The following SDK2 variants were observed in gnomAD, a reference collection of about 807,000 sequenced individuals.
The protein encoded by SDK2 is protein sidekick-2.
A neutral mutation model predicts 253.9 loss-of-function variants in SDK2; 105 were observed. The ratio of observed to expected loss-of-function variants is 0.41; its 90% confidence interval spans 0.35 to 0.49. The LOEUF is 0.49. Ranked by LOEUF, SDK2 falls within the 20% of genes least tolerant of loss-of-function variation. SDK2 has a pLI of 0.06. For synonymous variants in SDK2, 1,249 were observed against 1,234.9 expected (o/e 1.01, Z -0.24); for missense variants, 2,608 against 3,003.0 (o/e 0.87, Z 3.07).
intron 1 of SDK2, among the ~76,000 whole-genome samples, chr17:73,640,114 G>A (rs1306766197): frequency 2.6e-5 from 4 of 152,180 alleles, no homozygotes; most frequent in Non-Finnish European, 5.9e-5. Context: ...ACAGAGGATC[G>A]CTGTAAAGAA....
intron 36 of SDK2, among the ~76,000 whole-genome samples, chr17:73,371,874 C>T (rs1248306541): frequency 6.6e-6 from 1 of 151,490 alleles, no homozygotes; most frequent in East Asian, 1.9e-4. Flanking sequence ...GCAGGAGAAT[C>T]ACTTGAACCC....
In SDK2 at chr17:73,525,049, G is replaced by A. The variant is rs189140153; in HGVS notation, c.65-17452C>T. Among the ~76,000 whole-genome samples the A allele has an allele frequency of 1.2e-3, 186 of 152,386 alleles. 1 individual carries two copies. In the Middle Eastern group the frequency reaches 0.024, roughly 20 times the overall value. On this transcript the variant is annotated intron_variant, in intron 1 of 44. Coordinates refer to ENST00000392650, the MANE Select transcript of SDK2 (RefSeq NM_001144952.2). Reference sequence around the variant, plus strand: ...TCCTAGGCCTGTGTGGCCCTGGGCAGCCAGGCTACTTCTTTGGGCCTCATT... The same window carrying A: ...TCCTAGGCCTGTGTGGCCCTGGGCAACCAGGCTACTTCTTTGGGCCTCATT...
intron 44 of SDK2, among the ~76,000 whole-genome samples, chr17:73,340,732 A>T (rs1479027694): frequency 1.4e-5 from 1 of 71,126 alleles, no homozygotes; most frequent in Non-Finnish European, 3.4e-5. Flanking sequence ...GAAAACCTTA[A>T]AGTTTTTTTT....
rs1022241899 is a variant in SDK2, at chr17:73,496,654, T to A, written c.224+10784A>T. Reference sequence around the variant, plus strand: ...ATATCCGAGAAGATTCTTCCTGGCGTTCCAGGTCCTACCTCTGCCATCTTG... The same window carrying A: ...ATATCCGAGAAGATTCTTCCTGGCGATCCAGGTCCTACCTCTGCCATCTTG... On this transcript the variant is annotated intron_variant, in intron 2 of 44. Coordinates refer to ENST00000392650, the MANE Select transcript of SDK2 (RefSeq NM_001144952.2). The surrounding 1 kb of genome is among the most constrained non-coding windows in gnomAD (Gnocchi z 4.7). 2.0e-5 allele frequency among the ~76,000 whole-genome samples: 3 copies of A among 152,080 alleles called. No individual in the cohort carries two copies. The highest frequency in any genetic ancestry group is 4.4e-5 in the Non-Finnish European group (3 of 68,014).
intron 4 of SDK2, among the ~76,000 whole-genome samples, chr17:73,453,584 C>T (rs1567781939): frequency 6.6e-6 from 1 of 152,048 alleles, no homozygotes; most frequent in Non-Finnish European, 1.5e-5. Context: ...GCCAGGTTGG[C>T]CAGGCTGGTC....
intron 1 of SDK2, among the ~76,000 whole-genome samples, chr17:73,594,126 C>T (rs2045721165): frequency 2.0e-5 from 3 of 152,222 alleles, no homozygotes; most frequent in Non-Finnish European, 4.4e-5. Context: ...CATGTCAGGC[C>T]TCCCAACGTC....
chr17:73,396,164 C>T (rs1043368257), intron 24 of SDK2, among the ~76,000 whole-genome samples: 11 of 152,194 alleles, frequency 7.2e-5, no homozygotes, highest in Admixed American at 4.6e-4. Flanking sequence ...CAAGCCACCA[C>T]GCCCAACCAG....
In SDK2 at chr17:73,431,613, A is replaced by T. The variant is rs200185560; in HGVS notation, c.1369T>A (p.Ser457Thr). 2 of 1,612,882 alleles carry T rather than the reference A, an allele frequency of 1.2e-6. No homozygotes were observed. Among genetic ancestry groups the T allele is most frequent in the Admixed American group, 3.3e-5 (2 of 59,936 alleles). Residue 457 changes from serine (S) to threonine (T), a missense_variant, in exon 11 of 45, where the codon TCG becomes ACG. Transcript: ENST00000392650. The surrounding 1 kb of genome is among the most constrained non-coding windows in gnomAD (Gnocchi z 5.6). ...VQLPRFTPLE[S>T]GSLLISPTHI... is the part of the protein sequence containing the mutation. Reference sequence around the variant, plus strand: ...GTGGGGCTGATGAGGAGGCTGCCCGACTCCAGGGGTGTGAAGCGAGGCAGC... The same window carrying T: ...GTGGGGCTGATGAGGAGGCTGCCCGTCTCCAGGGGTGTGAAGCGAGGCAGC...
chr17:73,528,634 T>C (rs1180037428), intron 1 of SDK2, among the ~76,000 whole-genome samples: 1 of 152,186 alleles, frequency 6.6e-6, no homozygotes, highest in Non-Finnish European at 1.5e-5. Context: ...TGTTCTCCAC[T>C]GTGATCCCCT....
chr17:73,404,317 C>A (rs1277235739), intron 18 of SDK2, among the ~76,000 whole-genome samples: 1 of 152,160 alleles, frequency 6.6e-6, no homozygotes, highest in African/African-American at 2.4e-5. Flanking sequence ...GGATAGGAGG[C>A]CTCCCTGCCT....
chr17:73,430,713 A>G (rs2063320260), intron 11 of SDK2, 100 bp from the exon 12 acceptor site: 1 of 724,802 alleles, frequency 1.4e-6, no homozygotes, highest in Non-Finnish European at 2.1e-6. Flanking sequence ...ATGGTTAAAA[A>G]GAACAATGAG....
intron 1 of SDK2, among the ~76,000 whole-genome samples, chr17:73,560,944 G>A (rs1342993668): frequency 1.3e-5 from 2 of 152,276 alleles, no homozygotes; most frequent in South Asian, 2.1e-4. Flanking sequence ...GAAGCGGGGC[G>A]TGTGGGGTGT....
At chr17:73,373,179 G>C (rs967719991) in intron 36 of SDK2, among the ~76,000 whole-genome samples, 1 of 152,154 alleles carries the variant, frequency 6.6e-6, no homozygotes, top group Non-Finnish European at 1.5e-5. Flanking sequence ...AGGTTCATCC[G>C]TGTTGTTGCA....
chr17:73,536,739 C>A (rs1853536646), intron 1 of SDK2, among the ~76,000 whole-genome samples: 1 of 152,198 alleles, frequency 6.6e-6, no homozygotes, highest in Non-Finnish European at 1.5e-5. Context: ...CCTGGCCATG[C>A]TGGGGGCAGG....
rs1408438771 is a variant in SDK2, at chr17:73,338,150, GCAGTGGGTC to G, written c.*428_*436del. The G allele has an allele frequency of 1.0e-5, 3 of 290,804 alleles. No homozygotes were observed. The highest frequency in any genetic ancestry group is 1.4e-5 in the Non-Finnish European group (2 of 147,208). 18.0% of individuals were successfully genotyped at this position (290,804 alleles called of 1,614,324 possible). On this transcript the variant is annotated 3_prime_UTR_variant, in exon 45 of 45. Transcript: ENST00000392650. This position sits in a 1 kb window ranked among gnomAD's most constrained non-coding sequence, Gnocchi z 5.0. ...CCCATTCTTTTTGCAGAGAGCAGCGGCAGTGGGTCCAGGGGTCCTGGAGGGGCTGGAAGG... is the reference window on the plus strand; with the variant it reads ...CCCATTCTTTTTGCAGAGAGCAGCGGCAGGGGTCCTGGAGGGGCTGGAAGG...
chr17:73,483,589 GTA>G (rs1336469693), intron 2 of SDK2, among the ~76,000 whole-genome samples: 21 of 131,102 alleles, frequency 1.6e-4, no homozygotes, highest in African/African-American at 4.6e-4. Flanking sequence ...GTATATATAT[GTA>G]TATATATGTA....
At chr17:73,550,493 C>T (rs1030429102) in intron 1 of SDK2, among the ~76,000 whole-genome samples, 11 of 152,032 alleles carry the variant, frequency 7.2e-5, no homozygotes, top group Non-Finnish European at 1.3e-4. Flanking sequence ...TGGAGGGCCA[C>T]GACACAGAGA....
In SDK2 at chr17:73,635,280, G is replaced by A. The variant is rs533559263; in HGVS notation, c.64+8745C>T. Among the ~76,000 whole-genome samples the A allele has an allele frequency of 4.2e-4, 64 of 152,214 alleles. 5 individuals are homozygous for A. In the South Asian group the frequency reaches 0.013, roughly 30 times the overall value. ...TGGGATTACAGGTGTGAACCACTGCGCCCGGCCCATTTCAGGTTTCTTGGT... is the reference window on the plus strand; with the variant it reads ...TGGGATTACAGGTGTGAACCACTGCACCCGGCCCATTTCAGGTTTCTTGGT... On this transcript the variant is annotated intron_variant, in intron 1 of 44. Coordinates refer to ENST00000392650, the MANE Select transcript of SDK2 (RefSeq NM_001144952.2).
chr17:73,605,788 GCC>G (rs1225960591), intron 1 of SDK2, among the ~76,000 whole-genome samples: 1 of 152,148 alleles, frequency 6.6e-6, no homozygotes, highest in East Asian at 1.9e-4. Context: ...TACAACACCA[GCC>G]CTTTGTGGCA....
Sources: gnomAD v4.1 joint callset for allele counts (sites outside exome capture counted in the v4.1 genomes callset) on GRCh38, gnomAD v4.1.1 for gene constraint, Gnocchi (gnomAD v3.1) non-coding constraint, MANE v1.5 for transcripts, NCBI Gene and HGNC (gene_info 2026-07-23, HGNC 2026-07-21) for gene names.